Variants in NAV2 observed in about 807,000 individuals in gnomAD.
The protein encoded by NAV2 is neuron navigator 2, also known as helicase, APC down-regulated 1.
In NAV2, 54 loss-of-function variants were observed where a neutral mutation model predicts 223.2. The ratio of observed to expected loss-of-function variants is 0.24; its 90% confidence interval spans 0.19 to 0.30. The LOEUF is 0.30. NAV2 is among the 10% of genes least tolerant of loss of function. NAV2 has a pLI of 1.00. For missense variants in NAV2, 2,806 were observed against 3,147.5 expected (o/e 0.89, Z 2.60); for synonymous variants, 1,279 against 1,239.3 (o/e 1.03, Z -0.67).
At chr11:19,705,100 T>G (rs2049624346) in intron 1 of NAV2, among the ~76,000 whole-genome samples, 1 of 146,124 alleles carries the variant, frequency 6.8e-6, no homozygotes, top group African/African-American at 2.6e-5. Flanking sequence ...AATAAATAAA[T>G]AAATAAATAA....
At chr11:19,935,863 T>TGTTTTTTTTTTTGTTTG (rs553290951) in intron 7 of NAV2, among the ~76,000 whole-genome samples, 7 of 110,172 alleles carry the variant, frequency 6.4e-5, no homozygotes, top group African/African-American at 1.3e-4. Flanking sequence ...TTTTTTTTTT[T>TGTTTTTTTTTTTGTTTG]TTTTTTTTTT....
At chr11:19,617,103 A>G (rs925242319) in intron 1 of NAV2, among the ~76,000 whole-genome samples, 2 of 152,130 alleles carry the variant, frequency 1.3e-5, no homozygotes, top group Non-Finnish European at 2.9e-5. Context: ...AGTCTAGGTA[A>G]TACAGATTTC....
intron 1 of NAV2, among the ~76,000 whole-genome samples, chr11:19,389,400 T>C (rs1248221309): frequency 1.3e-5 from 2 of 152,236 alleles, no homozygotes; most frequent in African/African-American, 4.8e-5. Flanking sequence ...ACGATGTTCT[T>C]TCCCAACGTG....
rs56895607 is a variant in NAV2, at chr11:20,074,760, C to CCTTTTTTTTTTTTTTTTTTTTTTT, written c.4984-2792_4984-2791insCTTTTTTTTTTTTTTTTTTTTTTT. ...ATTGGAGACTAGGATTGCAACTCTG[C>CCTTTTTTTTTTTTTTTTTTTTTTT]TTTTTTTTTTTTTTTTGCTTTCCAT... On this transcript the variant is annotated intron_variant, in intron 22 of 37. Transcript: ENST00000349880. Among the ~76,000 whole-genome samples the CCTTTTTTTTTTTTTTTTTTTTTTT allele has an allele frequency of 2.1e-3, 229 of 110,218 alleles. 26 individuals carry two copies. Among genetic ancestry groups the CCTTTTTTTTTTTTTTTTTTTTTTT allele is most frequent in the African/African-American group, 3.0e-3 (79 of 26,004 alleles). The allele number at this position is 110,218 out of a possible 152,430, so 72.3% of individuals were successfully genotyped here.
At chr11:19,572,120 A>G (rs759682936) in intron 1 of NAV2, among the ~76,000 whole-genome samples, 54 of 152,338 alleles carry the variant, frequency 3.5e-4, no homozygotes, top group Non-Finnish European at 7.2e-4. Context: ...GGCCCAAGCC[A>G]TGGACTTAGG....
chr11:19,710,405 A>G (rs924327544), upstream of NAV2, among the ~76,000 whole-genome samples: 13 of 152,270 alleles, frequency 8.5e-5, no homozygotes, highest in African/African-American at 3.1e-4. Context: ...AGTGATTCTT[A>G]GGCATATTAA....
intron 5 of NAV2, chr11:19,884,282 C>G: frequency 1.2e-6 from 2 of 1,607,336 alleles, no homozygotes; most frequent in Non-Finnish European, 1.7e-6. Context: ...TTTTTTCTTT[C>G]CTATCATGCA....
At chr11:19,568,578 T>C (rs2045336185) in intron 1 of NAV2, among the ~76,000 whole-genome samples, 1 of 152,206 alleles carries the variant, frequency 6.6e-6, no homozygotes, top group African/African-American at 2.4e-5. Flanking sequence ...GGAGCACTGT[T>C]TGTGTCAGAC....
intron 1 of NAV2, among the ~76,000 whole-genome samples, chr11:19,477,414 ATTACT>A (rs1464304604): frequency 4.6e-5 from 7 of 152,196 alleles, no homozygotes; most frequent in Non-Finnish European, 7.3e-5. Flanking sequence ...ATTGAGTGGG[ATTACT>A]GCCCTCTGAG....
chr11:19,616,392 G>T (rs919152634), intron 1 of NAV2, among the ~76,000 whole-genome samples: 1 of 151,698 alleles, frequency 6.6e-6, no homozygotes, highest in Non-Finnish European at 1.5e-5. Context: ...GTGTATTGCA[G>T]CCTGTTTGTA....
At chr11:19,528,071 C>G (rs2043901545) in intron 1 of NAV2, among the ~76,000 whole-genome samples, 1 of 152,166 alleles carries the variant, frequency 6.6e-6, no homozygotes, top group Non-Finnish European at 1.5e-5. Flanking sequence ...GCCACGTTCC[C>G]TGCTGTGTGG....
chr11:19,508,663 G>C (rs1440110996), intron 1 of NAV2, among the ~76,000 whole-genome samples: 6 of 152,112 alleles, frequency 3.9e-5, no homozygotes, highest in Non-Finnish European at 8.8e-5. Context: ...ACAGCCACCT[G>C]TCTGCCTTTT....
intron 1 of NAV2, among the ~76,000 whole-genome samples, chr11:19,646,101 A>C (rs2135597637): frequency 6.6e-6 from 1 of 152,256 alleles, no homozygotes; most frequent in African/African-American, 2.4e-5. Flanking sequence ...ACCTGCACCC[A>C]CCTTGCAGAT....
At chr11:19,947,977 T>C (rs1322245173) in intron 9 of NAV2, among the ~76,000 whole-genome samples, 1 of 152,142 alleles carries the variant, frequency 6.6e-6, no homozygotes, top group Non-Finnish European at 1.5e-5. Flanking sequence ...AAGAAGGCTG[T>C]GATGCAACAT....
intron 3 of NAV2, among the ~76,000 whole-genome samples, chr11:19,851,501 A>G (rs2061127446): frequency 6.6e-6 from 1 of 152,102 alleles, no homozygotes; most frequent in African/African-American, 2.4e-5. Flanking sequence ...TGGGCCAGTT[A>G]ATTGAATTTC....
chr11:20,028,246 A>G (rs1173460161), intron 11 of NAV2, among the ~76,000 whole-genome samples: 1 of 152,148 alleles, frequency 6.6e-6, no homozygotes, highest in Admixed American at 6.5e-5. Context: ...TTGTGCTTTA[A>G]GCCCTCTGAG....
chr11:19,756,609 C>T (rs2054253265), intron 1 of NAV2, among the ~76,000 whole-genome samples: 2 of 152,186 alleles, frequency 1.3e-5, no homozygotes, highest in Non-Finnish European at 1.5e-5. Flanking sequence ...ACAGGGTGGG[C>T]GTCCATCAGC....
intron 4 of NAV2, 104 bp from the exon 5 acceptor site, chr11:19,879,765 C>T (rs1183858540): frequency 2.3e-6 from 3 of 1,307,256 alleles, no homozygotes; most frequent in Non-Finnish European, 3.2e-6. Flanking sequence ...GTTCAGGAAG[C>T]CTGTCATATC....
intron 1 of NAV2, among the ~76,000 whole-genome samples, chr11:19,372,558 T>C (rs1295096909): frequency 6.6e-6 from 1 of 152,134 alleles, no homozygotes; most frequent in African/African-American, 2.4e-5. Flanking sequence ...CCTCCAGATG[T>C]CTGGGGGTGC....
Sources: allele counts gnomAD v4.1 joint callset (sites outside exome capture counted in the v4.1 genomes callset), GRCh38; gene constraint gnomAD v4.1.1; transcripts MANE v1.5; gene names NCBI Gene and HGNC (gene_info 2026-07-23, HGNC 2026-07-21).